CS: variants seen among roughly 807,000 people sequenced by gnomAD.
CS encodes citrate synthase, mitochondrial.
CS carries 13 observed loss-of-function variants against 61.4 expected under a neutral mutation model. The observed-to-expected ratio is 0.21, with a 90% CI of 0.14 to 0.34. The LOEUF (loss-of-function observed/expected upper bound fraction) is 0.34, where lower values mean the gene tolerates loss of function less well. Among genes scored for constraint, CS ranks in the 10% least tolerant of loss-of-function variants. The probability of loss-of-function intolerance (pLI) is 1.00; values close to 1 mark genes in which losing one functional copy is unlikely to be tolerated. For missense variants in CS, 278 were observed against 573.4 expected (o/e 0.48, Z 5.26); for synonymous variants, 159 against 215.2 (o/e 0.74, Z 2.29).
At chr12:56,280,212 G>A (rs962139684) in intron 6 of CS, among the ~76,000 whole-genome samples, 9 of 151,760 alleles carry the variant, frequency 5.9e-5, no homozygotes, top group Non-Finnish European at 1.2e-4. Context: ...TCAGAGGTTC[G>A]AGACCAGCCT....
chr12:56,274,461 T>G (rs1457285482), intron 9 of CS: 1 of 223,858 alleles, frequency 4.5e-6, no homozygotes, highest in African/African-American at 2.3e-5. Context: ...TATTTAAAAC[T>G]GTTTTTTAGA....
rs1460322424 is a variant in CS at position 56,282,681 on chromosome 12, A to G, written c.400-73T>C. 5 of 1,532,230 alleles carry G rather than the reference A, an allele frequency of 3.3e-6. No individual in the cohort carries two copies. In the African/African-American group the frequency reaches 6.9e-5, roughly 21 times the overall value. 94.9% of individuals were successfully genotyped at this position (1,532,230 alleles called of 1,614,324 possible). On this transcript the variant is annotated intron_variant, in intron 5 of 10. Transcript: ENST00000351328. ...GAGAAAAATAAAAAAGGACAGCAAC[A>G]TCTGAGTAAAGAAAACCCAAGAGAG...
At chr12:56,276,878 C>T (rs1215039809) in intron 6 of CS, among the ~76,000 whole-genome samples, 1 of 152,072 alleles carries the variant, frequency 6.6e-6, no homozygotes, top group African/African-American at 2.4e-5. Context: ...TTCACTACAC[C>T]ATGACTTGAC....
In CS at chr12:56,285,248, G is replaced by A. The variant is rs79380675; in HGVS notation, c.201+668C>T. The A allele has an allele frequency of 7.2e-3, 3,203 of 446,462 alleles. 18 individuals are homozygous for A. The highest frequency in any genetic ancestry group is 9.1e-3 in the Non-Finnish European group (2,020 of 221,828). 27.7% of individuals were successfully genotyped at this position (446,462 alleles called of 1,614,324 possible). On this transcript the variant is annotated intron_variant, in intron 3 of 10. Coordinates refer to ENST00000351328, the MANE Select transcript of CS (RefSeq NM_004077.3). Reference sequence around the variant, plus strand: ...GGCATGAGCCACTGCAACAGGCCTGGAAATGAAATTTTTTAAGTTGAGAAA... The same window carrying A: ...GGCATGAGCCACTGCAACAGGCCTGAAAATGAAATTTTTTAAGTTGAGAAA...
chr12:56,283,284 C>T (rs1446244882), intron 4 of CS, among the ~76,000 whole-genome samples: 2 of 152,080 alleles, frequency 1.3e-5, no homozygotes, highest in African/African-American at 4.8e-5. Context: ...CACACTGTCG[C>T]CCAGGCTGGA....
chr12:56,293,705 C>T (rs936482957), intron 1 of CS, among the ~76,000 whole-genome samples: 1 of 152,182 alleles, frequency 6.6e-6, no homozygotes. Flanking sequence ...CAGAGCAAGA[C>T]TCCGTCTCAA....
intron 3 of CS, among the ~76,000 whole-genome samples, chr12:56,284,897 CAAAA>C (rs71081341): frequency 1.0e-5 from 1 of 99,898 alleles, no homozygotes; most frequent in African/African-American, 3.6e-5. Flanking sequence ...GACTCCGTCC[CAAAA>C]AAAAAAAAAA....
In CS at chr12:56,274,893, T is replaced by TG; in HGVS notation, c.919-16dup. ...ACAAGCACTTCCTATGGGTAAGGTT[T>TG]GGGGAAAAAGGGAATGTTAATACAT... On this transcript the variant is annotated splice_polypyrimidine_tract_variant and intron_variant, in intron 8 of 10. Transcript: ENST00000351328. The TG allele has an allele frequency of 6.2e-7, 1 of 1,604,738 alleles. No homozygotes were observed. The highest frequency in any genetic ancestry group is 8.5e-7 in the Non-Finnish European group (1 of 1,175,724).
rs1592417113 is a variant in CS at position 56,300,181 on chromosome 12, G to A, written c.21C>T (p.Ala7=). Residue 7 remains alanine (A), a synonymous_variant, in exon 1 of 11, where the codon GCC becomes GCT. Transcript: ENST00000351328. ...TCACCTTGGTTCCCAAGAGCCGGGC[G>A]GCCGCAGTAAGTAAAGCCATGGCGG... The part of the protein sequence containing the change: MALLTA[A]ARLLGTKNAS... The A allele has an allele frequency of 9.5e-6, 15 of 1,572,824 alleles. No individual in the cohort carries two copies. In the East Asian group the frequency reaches 3.6e-4, roughly 37 times the overall value.
At chr12:56,290,269 T>C (rs1379222648) in intron 1 of CS, among the ~76,000 whole-genome samples, 12 of 151,962 alleles carry the variant, frequency 7.9e-5, no homozygotes, top group Non-Finnish European at 4.4e-5. Flanking sequence ...TGGAGTGCAA[T>C]GGCACAATCT....
Position 56,291,281 on chromosome 12 carries a change from A to C in CS, c.43-4636T>G, listed in dbSNP as rs1050701760. ...GGAAAGAGGCAGTCAAGCCTGAGGC[A>C]GAGGTGAATGGATAATTCCTTCCAG... On this transcript the variant is annotated intron_variant, in intron 1 of 10. Coordinates refer to ENST00000351328, the MANE Select transcript of CS (RefSeq NM_004077.3). The C allele has an allele frequency of 3.7e-5, 40 of 1,083,682 alleles. No homozygotes were observed. The African/African-American group carries it at 6.5e-4, about 18-fold the overall frequency. 67.1% of individuals were successfully genotyped at this position (1,083,682 alleles called of 1,614,324 possible).
chr12:56,296,438 C>CA (rs1441972686), intron 1 of CS, among the ~76,000 whole-genome samples: 10 of 151,636 alleles, frequency 6.6e-5, no homozygotes, highest in East Asian at 1.9e-4. Flanking sequence ...CCCCACCCCC[C>CA]AAAAAAAACC....
intron 1 of CS, among the ~76,000 whole-genome samples, chr12:56,290,196 GATTTT>G: frequency 6.6e-6 from 1 of 150,616 alleles, no homozygotes; most frequent in Non-Finnish European, 1.5e-5. Flanking sequence ...GTGCCCGGAA[GATTTT>G]ATGTTTTTTT....
At chr12:56,275,965 C>G in intron 7 of CS, 31 bp downstream of exon 7, 1 of 1,606,244 alleles carries the variant, frequency 6.2e-7, no homozygotes, top group Non-Finnish European at 8.5e-7. Context: ...ATTGAGGCAC[C>G]TAGTGGCTGT....
In CS at chr12:56,272,357, G is replaced by C. The variant is rs1240357612; in HGVS notation, c.*727C>G. On this transcript the variant is annotated 3_prime_UTR_variant, in exon 11 of 11. Transcript: ENST00000351328. The stretch of plus-strand genomic sequence containing the variant: ...AGAGGTCTCTAGTAGGGACCAAGAG[G>C]GGGAGGTCCAGAACATCCTCTGCCT... The C allele has an allele frequency of 6.5e-6, 1 of 154,596 alleles. No individual in the cohort carries two copies. The highest frequency in any genetic ancestry group is 2.4e-5 in the African/African-American group (1 of 41,552). 9.6% of individuals were successfully genotyped at this position (154,596 alleles called of 1,614,324 possible). A position where few individuals can be genotyped will look rare whatever the true frequency, so the allele number is the denominator to read the frequency against.
At chr12:56,287,523 A>G (rs1213798343) in intron 1 of CS, among the ~76,000 whole-genome samples, 1 of 150,966 alleles carries the variant, frequency 6.6e-6, no homozygotes, top group Non-Finnish European at 1.5e-5. Context: ...GAGAGAGAGA[A>G]AATAGTTTAG....
intron 1 of CS, among the ~76,000 whole-genome samples, chr12:56,294,858 A>G (rs1211060295): frequency 6.6e-6 from 1 of 152,030 alleles, no homozygotes; most frequent in Non-Finnish European, 1.5e-5. Context: ...AACCTCTGCC[A>G]CCCGGATTCA....
intron 2 of CS, chr12:56,286,350 CACT>C: frequency 3.7e-6 from 2 of 537,472 alleles, no homozygotes; most frequent in Non-Finnish European, 6.6e-6. Context: ...GTATATTTTA[CACT>C]ACTTAAAACA....
At position 56,283,454 on chromosome 12, in the gene CS, AG is replaced by A. The variant is rs564429863; in HGVS notation, c.267+337del. 9.2e-5 allele frequency among the ~76,000 whole-genome samples: 14 copies of A among 152,200 alleles called. No homozygotes were observed. In the South Asian group the frequency reaches 2.9e-3, roughly 32 times the overall value. ...CAGACAGGGTTTCGCCGTGTTAGCC[AG>A]GACGGTCTCAACCTCCTGACCGCAT... On this transcript the variant is annotated intron_variant, in intron 4 of 10. Transcript: ENST00000351328.
Sources: allele counts gnomAD v4.1 joint callset (sites outside exome capture counted in the v4.1 genomes callset), GRCh38; gene constraint gnomAD v4.1.1; transcripts MANE v1.5; gene names NCBI Gene and HGNC (gene_info 2026-07-23, HGNC 2026-07-21).